The following EGFR variants were observed in gnomAD, a reference collection of about 807,000 sequenced individuals.
EGFR encodes the protein epidermal growth factor receptor.
EGFR carries 58 observed loss-of-function variants against 143.0 expected under a neutral mutation model. The observed-to-expected ratio is 0.41, with a 90% CI of 0.33 to 0.50. The LOEUF is 0.50. Among genes scored for constraint, EGFR ranks in the 20% least tolerant of loss-of-function variants. The probability of loss-of-function intolerance (pLI) is 0.39; values close to 1 mark genes in which losing one functional copy is unlikely to be tolerated. For synonymous variants in EGFR, 613 were observed against 594.4 expected (o/e 1.03, Z -0.45); for missense variants, 1,307 against 1,579.0 (o/e 0.83, Z 2.92).
Position 55,198,727 on chromosome 7 carries a change from T to A in EGFR, c.2712T>A (p.Val904=), listed in dbSNP as rs2128968635. Residue 904 remains valine (V), a synonymous_variant, in exon 23 of 28, where the codon GTT becomes GTA. Coordinates refer to ENST00000275493, the MANE Select transcript of EGFR (RefSeq NM_005228.5). ...QSDVWSYGVT[V]WELMTFGSKP... ...GCTTCATCCTCTCAGGGGTGACTGT[T>A]TGGGAGTTGATGACCTTTGGATCCA... is the stretch of plus-strand genomic sequence containing the variant. 6.2e-7 allele frequency: 1 copy of A among 1,614,160 alleles called. No homozygotes were observed. Among genetic ancestry groups the A allele is most frequent in the Non-Finnish European group, 8.5e-7 (1 of 1,180,032 alleles).
At chr7:55,086,105 G>T (rs1790741555) in intron 1 of EGFR, among the ~76,000 whole-genome samples, 1 of 152,160 alleles carries the variant, frequency 6.6e-6, no homozygotes, top group Non-Finnish European at 1.5e-5. Context: ...CAATTTTTGT[G>T]AATTATCTCG....
chr7:55,113,208 A>C (rs1792621138), intron 1 of EGFR, among the ~76,000 whole-genome samples: 1 of 151,984 alleles, frequency 6.6e-6, no homozygotes, highest in Admixed American at 6.5e-5. Flanking sequence ...AATGAAAACA[A>C]CTCCCTTCCC....
Position 55,198,698 on chromosome 7 carries a change from T to G in EGFR, c.2702-19T>G, listed in dbSNP as rs755953813. ...CATTCATGATCCCACTGCCTTCTTTTCTTGCTTCATCCTCTCAGGGGTGAC... is the reference window on the plus strand; with the variant it reads ...CATTCATGATCCCACTGCCTTCTTTGCTTGCTTCATCCTCTCAGGGGTGAC... On this transcript the variant is annotated intron_variant, in intron 22 of 27. Transcript: ENST00000275493. 1.9e-5 allele frequency: 30 copies of G among 1,614,234 alleles called. No homozygotes were observed. The highest frequency in any genetic ancestry group is 1.6e-4 in the Middle Eastern group (1 of 6,062).
intron 24 of EGFR, chr7:55,200,743 A>G: frequency 2.0e-6 from 1 of 496,746 alleles, no homozygotes; most frequent in Admixed American, 3.3e-5. Flanking sequence ...ACGTGGCTTC[A>G]CACCCCTGAC....
chr7:55,038,280 C>T (rs886337374), intron 1 of EGFR, among the ~76,000 whole-genome samples: 1 of 152,180 alleles, frequency 6.6e-6, no homozygotes, highest in Admixed American at 6.5e-5. Context: ...TAACTTGATT[C>T]TGAGGACACC....
At chr7:55,158,449 G>A (rs17336716) in intron 11 of EGFR, among the ~76,000 whole-genome samples, 7 of 152,272 alleles carry the variant, frequency 4.6e-5, no homozygotes, top group East Asian at 1.9e-4. Flanking sequence ...ATAAGAGTGC[G>A]TGAAATATGC....
rs141489713 is a variant in EGFR at position 55,201,328 on chromosome 7, G to A, written c.3087G>A (p.Thr1029=). 137 of 1,614,026 alleles carry A rather than the reference G, an allele frequency of 8.5e-5. No individual in the cohort carries two copies. The highest frequency in any genetic ancestry group is 1.6e-4 in the Middle Eastern group (1 of 6,062). ...PQQGFFSSPS[T]SRTPLLSSLS... ...AGGGCTTCTTCAGCAGCCCCTCCAC[G>A]TCACGGACTCCCCTCCTGAGCTCTC... Residue 1029 remains threonine, a synonymous_variant, in exon 25 of 28, where the codon ACG becomes ACA. Coordinates refer to ENST00000275493, the MANE Select transcript of EGFR (RefSeq NM_005228.5).
At chr7:55,057,250 C>T (rs146875409) in intron 1 of EGFR, among the ~76,000 whole-genome samples, 34 of 152,270 alleles carry the variant, frequency 2.2e-4, no homozygotes, top group African/African-American at 5.3e-4. Flanking sequence ...TATAAAGTTG[C>T]GAATGCCTCA....
At chr7:55,065,867 A>G (rs1009220935) in intron 1 of EGFR, among the ~76,000 whole-genome samples, 6 of 141,974 alleles carry the variant, frequency 4.2e-5, no homozygotes, top group Admixed American at 3.8e-4. Flanking sequence ...AAGCTGAGTC[A>G]TATGGCCTCT....
intron 15 of EGFR, chr7:55,168,392 G>T: frequency 1.4e-6 from 1 of 714,756 alleles, no homozygotes; most frequent in South Asian, 1.6e-5. Context: ...AAGTGATTGG[G>T]TTTTGGCATT....
At chr7:55,151,869 G>A (rs983425253) in intron 5 of EGFR, among the ~76,000 whole-genome samples, 3 of 140,992 alleles carry the variant, frequency 2.1e-5, no homozygotes, top group Non-Finnish European at 3.1e-5. Flanking sequence ...GCGAGACTCC[G>A]TCTCAAAACA....
chr7:55,091,847 A>AACACACACACACAC lies in EGFR; in HGVS notation c.89-50408_89-50395dup, dbSNP rs71014681. Among the ~76,000 whole-genome samples, 406 of 132,156 alleles carry AACACACACACACAC rather than the reference A, an allele frequency of 3.1e-3. 1 individual carries two copies. The highest frequency in any genetic ancestry group is 9.2e-3 in the African/African-American group (322 of 34,998). 86.7% of individuals were successfully genotyped at this position (132,156 alleles called of 152,430 possible). Reference sequence around the variant, plus strand: ...CTTATCCAAACCCTGACCCACTGTAAACACACACACACACACACACACACA... The same window carrying AACACACACACACAC: ...CTTATCCAAACCCTGACCCACTGTAAACACACACACACACACACACACACACACACACACACACA... On this transcript the variant is annotated intron_variant, in intron 1 of 27. Transcript: ENST00000275493.
At chr7:55,145,647 T>C (rs573682519) in intron 3 of EGFR, among the ~76,000 whole-genome samples, 12 of 152,352 alleles carry the variant, frequency 7.9e-5, no homozygotes, top group African/African-American at 2.6e-4. Context: ...GCCCATTCCC[T>C]GCCTGGGGAG....
chr7:55,079,239 G>T (rs937834650), intron 1 of EGFR, among the ~76,000 whole-genome samples: 1 of 152,316 alleles, frequency 6.6e-6, no homozygotes, highest in African/African-American at 2.4e-5. Context: ...GGCCAGGCAC[G>T]GGGTGTGGGC....
chr7:55,181,297 C>T lies in EGFR; in HGVS notation c.2288C>T (p.Ala763Val), dbSNP rs1476693500. The T allele has an allele frequency of 6.2e-7, 1 of 1,614,194 alleles. No individual in the cohort carries two copies. The change falls in exon 20 of 28, where the codon GCC becomes GTC. Residue 763 changes from alanine to valine, a missense_variant. By Grantham distance (64) the Ala-to-Val change is moderately conservative. Around this residue, in one of 7 missense-constraint regions of EGFR, gnomAD observed 348 missense variants for 451.5 expected, o/e 0.77. Transcript: ENST00000275493. ...PKANKEILDE[A>V]YVMASVDNPH... ...CGTGCCTCTCCCTCCCTCCAGGAAG[C>T]CTACGTGATGGCCAGCGTGGACAAC...
At position 55,019,192 on chromosome 7, in the gene EGFR, G is replaced by T; in HGVS notation, c.-86G>T. ...CGTCCGCCCGAGTCCCCGCCTCGCCGCCAACGCCACAACCACCGCGCACGG... is the reference window on the plus strand; with the variant it reads ...CGTCCGCCCGAGTCCCCGCCTCGCCTCCAACGCCACAACCACCGCGCACGG... On this transcript the variant is annotated 5_prime_UTR_variant, in exon 1 of 28. Coordinates refer to ENST00000275493, the MANE Select transcript of EGFR (RefSeq NM_005228.5). 1.7e-6 allele frequency: 2 copies of T among 1,166,012 alleles called. No individual in the cohort carries two copies. The highest frequency in any genetic ancestry group is 2.3e-6 in the Non-Finnish European group (2 of 855,228). 72.2% of individuals were successfully genotyped at this position (1,166,012 alleles called of 1,614,324 possible).
intron 27 of EGFR, 177 bp downstream of exon 27, chr7:55,202,802 G>A (rs1346253288): frequency 2.8e-6 from 2 of 716,502 alleles, no homozygotes; most frequent in South Asian, 1.5e-5. Flanking sequence ...GACCGAGCCT[G>A]CACAAGCTCT....
At chr7:55,109,380 G>A (rs1458734699) in intron 1 of EGFR, among the ~76,000 whole-genome samples, 4 of 152,226 alleles carry the variant, frequency 2.6e-5, no homozygotes, top group Non-Finnish European at 5.9e-5. Flanking sequence ...AGAATCGGGT[G>A]TTGGGATGTG....
In EGFR at chr7:55,192,619, G is replaced by A. The variant is rs185282983; in HGVS notation, c.2626-147G>A. 29 of 735,234 alleles carry A rather than the reference G, an allele frequency of 3.9e-5. 1 individual carries two copies. The Middle Eastern group carries it at 8.3e-4, about 21-fold the overall frequency. The allele number at this position is 735,234 out of a possible 1,614,324, so 45.5% of individuals were successfully genotyped here. A position where few individuals can be genotyped will look rare whatever the true frequency, so the allele number is the denominator to read the frequency against. On this transcript the variant is annotated intron_variant, in intron 21 of 27. Coordinates refer to ENST00000275493, the MANE Select transcript of EGFR (RefSeq NM_005228.5). ...TCAGACTGAAATCCCCTGTTGCCGG[G>A]AGGAGGCGCCGGGCCTGGGGGACGG...
Sources: allele counts gnomAD v4.1 joint callset (sites outside exome capture counted in the v4.1 genomes callset), GRCh38; gene constraint gnomAD v4.1.1; regional missense constraint gnomAD v4.1.1; transcripts MANE v1.5; gene names NCBI Gene and HGNC (gene_info 2026-07-23, HGNC 2026-07-21).